Variants in CDH18 observed in about 807,000 individuals in gnomAD.
CDH18 encodes the protein cadherin-18.
In CDH18, 31 loss-of-function variants were observed where a neutral mutation model predicts 67.9. That is an observed-to-expected ratio of 0.46 (90% confidence interval 0.34 to 0.62). The LOEUF (loss-of-function observed/expected upper bound fraction) is 0.62, where lower values mean the gene tolerates loss of function less well. Among genes scored for constraint, CDH18 ranks in the 20% least tolerant of loss-of-function variants. CDH18 has a pLI of 0.01. For synonymous variants in CDH18, 362 were observed against 347.2 expected (o/e 1.04, Z -0.48); for missense variants, 890 against 975.5 (o/e 0.91, Z 1.17).
At position 20,303,987 on chromosome 5, in the gene CDH18, G is replaced by A. The variant is rs181070047; in HGVS notation, c.-579-48482C>T. 4.6e-5 allele frequency: 44 copies of A among 953,492 alleles called. No individual in the cohort carries two copies. In the East Asian group the frequency reaches 9.8e-4, roughly 21 times the overall value. The allele number at this position is 953,492 out of a possible 1,614,324, so 59.1% of individuals were successfully genotyped here. On this transcript the variant is annotated intron_variant, in intron 1 of 14. Coordinates refer to the CDH18 transcript ENST00000507958. ...CAAAGAAGAGAAGAAAAACTAAGTC[G>A]AAGGGATGGTGGAAGAAGCAGCAAC...
intron 10 of CDH18, among the ~76,000 whole-genome samples, chr5:19,505,680 G>A (rs1452687360): frequency 6.6e-6 from 1 of 152,064 alleles, no homozygotes; most frequent in Non-Finnish European, 1.5e-5. Context: ...ACTTGATCAT[G>A]GTGGATAAGC....
intron 5 of CDH18, among the ~76,000 whole-genome samples, chr5:19,671,611 T>G (rs1758761869): frequency 6.6e-6 from 1 of 152,086 alleles, no homozygotes; most frequent in Admixed American, 6.6e-5. Context: ...GACATGGGAA[T>G]TTGTCAAATA....
intron 1 of CDH18, among the ~76,000 whole-genome samples, chr5:20,292,946 C>T (rs1747214012): frequency 6.6e-6 from 1 of 152,114 alleles, no homozygotes; most frequent in Admixed American, 6.5e-5. Context: ...TTCACAGGTA[C>T]TAGGGGTTAG....
intron 1 of CDH18, among the ~76,000 whole-genome samples, chr5:20,353,517 A>T (rs1489980334): frequency 1.3e-5 from 2 of 152,142 alleles, no homozygotes; most frequent in Non-Finnish European, 2.9e-5. Flanking sequence ...TAACTTTTAT[A>T]TTCTGTTTAA....
chr5:19,651,451 G>A (rs1044886093), intron 5 of CDH18, among the ~76,000 whole-genome samples: 23 of 152,004 alleles, frequency 1.5e-4, no homozygotes, highest in Admixed American at 2.0e-4. Flanking sequence ...AGATCTTCAA[G>A]ATCAGCCAAT....
At chr5:20,056,336 T>TC (rs1741920186) in intron 2 of CDH18, among the ~76,000 whole-genome samples, 1 of 145,914 alleles carries the variant, frequency 6.9e-6, no homozygotes, top group South Asian at 2.1e-4. Context: ...TTCCACATTT[T>TC]CAAAAAAAAA....
In CDH18 at chr5:19,533,814, C is replaced by T. The variant is rs369324154; in HGVS notation, c.1390+10055G>A. On this transcript the variant is annotated intron_variant, in intron 9 of 12. Transcript: ENST00000382275. Reference sequence around the variant, plus strand: ...ATAGGATGGCACGGGAATATGGAAACCCCTTTCTGATTGCTCTTATTTTAT... The same window carrying T: ...ATAGGATGGCACGGGAATATGGAAATCCCTTTCTGATTGCTCTTATTTTAT... Among the ~76,000 whole-genome samples the T allele has an allele frequency of 9.2e-5, 14 of 152,090 alleles. No individual in the cohort carries two copies. In the South Asian group the frequency reaches 2.9e-3, roughly 32 times the overall value.
intron 2 of CDH18, among the ~76,000 whole-genome samples, chr5:20,089,652 T>C (rs1745260274): frequency 6.6e-6 from 1 of 152,104 alleles, no homozygotes; most frequent in Non-Finnish European, 1.5e-5. Context: ...ATCAAGATTT[T>C]GGCAAAAGCT....
intron 2 of CDH18, among the ~76,000 whole-genome samples, chr5:20,016,230 A>T (rs1737864470): frequency 6.6e-6 from 1 of 152,098 alleles, no homozygotes; most frequent in Non-Finnish European, 1.5e-5. Flanking sequence ...CAAATACCAC[A>T]TGTTCTCACT....
Position 20,574,108 on chromosome 5 carries a change from A to G in CDH18, c.-580+1354T>C, listed in dbSNP as rs192783148. Reference sequence around the variant, plus strand: ...TCACTTCTGATACGATTATATCAATAGAATACCAAGGTAGCTGTAATAATA... The same window carrying G: ...TCACTTCTGATACGATTATATCAATGGAATACCAAGGTAGCTGTAATAATA... On this transcript the variant is annotated intron_variant, in intron 1 of 14. Coordinates refer to the CDH18 transcript ENST00000507958. Among the ~76,000 whole-genome samples the G allele has an allele frequency of 2.2e-3, 336 of 151,716 alleles. 2 individuals are homozygous for G. The highest frequency in any genetic ancestry group is 7.8e-3 in the African/African-American group (324 of 41,508).
chr5:19,662,493 C>A (rs995183698), intron 5 of CDH18, among the ~76,000 whole-genome samples: 6 of 151,994 alleles, frequency 3.9e-5, no homozygotes, highest in Non-Finnish European at 7.4e-5. Context: ...AGTTTATCAC[C>A]TGAAAAGTAC....
chr5:19,773,045 T>C (rs552507569), intron 3 of CDH18, among the ~76,000 whole-genome samples: 1 of 152,340 alleles, frequency 6.6e-6, no homozygotes, highest in Admixed American at 6.5e-5. Flanking sequence ...ATATTCATAA[T>C]GTTTCTGATA....
intron 5 of CDH18, among the ~76,000 whole-genome samples, chr5:19,710,988 A>G (rs1764632611): frequency 6.6e-6 from 1 of 152,120 alleles, no homozygotes; most frequent in South Asian, 2.1e-4. Flanking sequence ...ACCAACAAAA[A>G]CAAACACTGA....
chr5:20,039,778 T>C (rs545873530), intron 2 of CDH18, among the ~76,000 whole-genome samples: 2 of 152,228 alleles, frequency 1.3e-5, no homozygotes, highest in South Asian at 2.1e-4. Context: ...ATTCAGGACA[T>C]AGGCATGGGC....
chr5:20,155,924 T>A (rs1486928339), intron 2 of CDH18, among the ~76,000 whole-genome samples: 1 of 152,056 alleles, frequency 6.6e-6, no homozygotes, highest in Non-Finnish European at 1.5e-5. Flanking sequence ...TTCTGTTCCA[T>A]TGACACATAT....
chr5:20,075,723 T>C (rs773923445), intron 2 of CDH18, among the ~76,000 whole-genome samples: 3 of 152,214 alleles, frequency 2.0e-5, no homozygotes, highest in Non-Finnish European at 2.9e-5. Flanking sequence ...AGCTCAGTCC[T>C]GTTTCTGCAT....
intron 2 of CDH18, among the ~76,000 whole-genome samples, chr5:20,229,910 C>G (rs1033465757): frequency 6.6e-6 from 1 of 152,064 alleles, no homozygotes; most frequent in South Asian, 2.1e-4. Flanking sequence ...TATTTATTTT[C>G]TCTAGGATCT....
intron 7 of CDH18, among the ~76,000 whole-genome samples, chr5:19,590,794 G>C (rs768872491): frequency 6.6e-6 from 1 of 152,080 alleles, no homozygotes; most frequent in Non-Finnish European, 1.5e-5. Context: ...AGGAAGATTA[G>C]AGCAGAGACA....
At chr5:20,167,812 G>T (rs6451710) in intron 2 of CDH18, among the ~76,000 whole-genome samples, 152,002 of 152,270 alleles carry the variant, frequency 1, 75,868 homozygotes, top group Middle Eastern at 1. Context: ...TATGGAGCAG[G>T]GGGTAAAAAC....
Sources: gnomAD v4.1 joint callset for allele counts (sites outside exome capture counted in the v4.1 genomes callset) on GRCh38, gnomAD v4.1.1 for gene constraint, MANE v1.5 for transcripts, NCBI Gene and HGNC (gene_info 2026-07-23, HGNC 2026-07-21) for gene names.